The following RANBP2 variants were observed in gnomAD, a reference collection of about 807,000 sequenced individuals.
The protein encoded by RANBP2 is RAN binding protein 2.
RANBP2 carries 57 observed loss-of-function variants against 303.6 expected under a neutral mutation model. The ratio of observed to expected loss-of-function variants is 0.19; its 90% confidence interval spans 0.15 to 0.23. The LOEUF (loss-of-function observed/expected upper bound fraction) is 0.23, where lower values mean the gene tolerates loss of function less well. RANBP2 is among the 10% of genes least tolerant of loss of function. The probability of loss-of-function intolerance (pLI) is 1.00; values close to 1 mark genes in which losing one functional copy is unlikely to be tolerated. For synonymous variants in RANBP2, 1,167 were observed against 1,301.5 expected, an observed-to-expected ratio of 0.90 and a Z score of 2.23; for missense variants, 3,138 against 3,780.8, an observed-to-expected ratio of 0.83 and a Z score of 4.46.
the RANBP2 span, among the ~76,000 whole-genome samples, chr2:109,373,072 T>C: frequency 6.6e-6 from 1 of 152,222 alleles, no homozygotes. Flanking sequence ...TTAGTTTGAA[T>C]GTGCTGCCCA....
chr2:109,533,303 G>C, the RANBP2 span, among the ~76,000 whole-genome samples: 7 of 152,358 alleles, frequency 4.6e-5, no homozygotes, highest in African/African-American at 1.4e-4. Context: ...GCTGACCTGG[G>C]GATCCCATGA....
intron 4 of RANBP2, among the ~76,000 whole-genome samples, chr2:108,734,983 G>A (rs1695457726): frequency 1.3e-5 from 2 of 152,162 alleles, no homozygotes; most frequent in African/African-American, 2.4e-5. Flanking sequence ...CAAATGAGAA[G>A]TGAGTGGCCA....
the RANBP2 span, among the ~76,000 whole-genome samples, chr2:108,872,226 TCTCCTCCTC>T: frequency 1.3e-5 from 2 of 152,060 alleles, no homozygotes; most frequent in South Asian, 2.1e-4. Flanking sequence ...CTTCCCTCCT[TCTCCTCCTC>T]CCCCCACCAT....
the RANBP2 span, among the ~76,000 whole-genome samples, chr2:108,955,518 T>C: frequency 2.0e-5 from 3 of 151,532 alleles, no homozygotes; most frequent in South Asian, 4.2e-4. Flanking sequence ...GAGGCCGTGG[T>C]GGGCAGATCA....
the RANBP2 span, among the ~76,000 whole-genome samples, chr2:109,427,941 GCAC>G: frequency 6.6e-6 from 1 of 152,256 alleles, no homozygotes; most frequent in African/African-American, 2.4e-5. Context: ...CTGAGCATCT[GCAC>G]TCATCCTCGC....
At chr2:109,676,355 T>A in the RANBP2 span, among the ~76,000 whole-genome samples, 170 of 152,312 alleles carry the variant, frequency 1.1e-3, 1 homozygote, top group Admixed American at 2.6e-3. Context: ...GCCCTCCAAC[T>A]CAGTAAGTAA....
At chr2:109,237,021 A>G in the RANBP2 span, among the ~76,000 whole-genome samples, 4 of 152,358 alleles carry the variant, frequency 2.6e-5, no homozygotes, top group African/African-American at 9.6e-5. Context: ...CTTAGAAGGT[A>G]GAGAAGCCAA....
At chr2:108,771,902 G>T (rs1573831891) in intron 21 of RANBP2, 31 bp downstream of exon 21, 8 of 1,613,022 alleles carry the variant, frequency 5.0e-6, no homozygotes, top group African/African-American at 1.3e-5. Context: ...AAAATCCTCT[G>T]TTCCCGCTAA....
chr2:108,943,602 G>A, the RANBP2 span, among the ~76,000 whole-genome samples: 47 of 152,290 alleles, frequency 3.1e-4, no homozygotes, highest in Admixed American at 2.0e-3. Flanking sequence ...ACGGGCTTGG[G>A]AGGACTCACT....
the RANBP2 span, among the ~76,000 whole-genome samples, chr2:109,274,711 G>A: frequency 6.6e-6 from 1 of 152,214 alleles, no homozygotes; most frequent in Non-Finnish European, 1.5e-5. Context: ...GATAGAGGTC[G>A]TGGCTGCATA....
chr2:109,498,077 C>T, the RANBP2 span, among the ~76,000 whole-genome samples: 1 of 152,124 alleles, frequency 6.6e-6, no homozygotes, highest in Non-Finnish European at 1.5e-5. Context: ...ATCTGTCCTC[C>T]TTGAAGGAGG....
the RANBP2 span, among the ~76,000 whole-genome samples, chr2:109,431,998 T>A: frequency 6.6e-6 from 1 of 152,234 alleles, no homozygotes; most frequent in Admixed American, 6.5e-5. Flanking sequence ...TCTGGTTGAT[T>A]GGATAAGCCA....
At chr2:109,282,623 G>A in the RANBP2 span, among the ~76,000 whole-genome samples, 3 of 152,210 alleles carry the variant, frequency 2.0e-5, no homozygotes, top group Non-Finnish European at 2.9e-5. Flanking sequence ...TCCACCTCTC[G>A]CCTCCGTGGT....
At chr2:109,399,961 A>G in the RANBP2 span, among the ~76,000 whole-genome samples, 2 of 152,216 alleles carry the variant, frequency 1.3e-5, no homozygotes, top group African/African-American at 4.8e-5. Flanking sequence ...CCCACCCGCC[A>G]CCACGCTCCA....
the RANBP2 span, among the ~76,000 whole-genome samples, chr2:109,157,554 A>G: frequency 6.6e-6 from 1 of 152,326 alleles, no homozygotes; most frequent in Admixed American, 6.5e-5. Context: ...ATATGAGGAA[A>G]AAGATTTCCT....
the RANBP2 span, chr2:109,612,980 C>CT: frequency 2.3e-6 from 1 of 443,588 alleles, no homozygotes; most frequent in Non-Finnish European, 4.6e-6. Context: ...TTTTTGGTCT[C>CT]CAGCCTCCAA....
At chr2:108,792,974 G>C in the RANBP2 span, among the ~76,000 whole-genome samples, 2 of 151,858 alleles carry the variant, frequency 1.3e-5, no homozygotes, top group Non-Finnish European at 2.9e-5. Context: ...TGAGGCAGGA[G>C]AATCACTTGA....
chr2:109,287,417 T>C, the RANBP2 span, among the ~76,000 whole-genome samples: 1 of 152,132 alleles, frequency 6.6e-6, no homozygotes, highest in Non-Finnish European at 1.5e-5. Flanking sequence ...CAGTGACATA[T>C]AAAATCTTTT....
the RANBP2 span, among the ~76,000 whole-genome samples, chr2:109,513,083 G>A: frequency 6.6e-6 from 1 of 152,140 alleles, no homozygotes; most frequent in African/African-American, 2.4e-5. Context: ...GCCCTTCCTG[G>A]GGCAGTTCTG....
Sources: allele counts gnomAD v4.1 joint callset (sites outside exome capture counted in the v4.1 genomes callset), GRCh38; gene constraint gnomAD v4.1.1; transcripts MANE v1.5; gene names NCBI Gene and HGNC (gene_info 2026-07-23, HGNC 2026-07-21).